CASR: variants seen among roughly 807,000 people sequenced by gnomAD.
CASR encodes the protein calcium sensing receptor.
CASR carries 23 observed loss-of-function variants against 69.1 expected under a neutral mutation model. The ratio of observed to expected loss-of-function variants is 0.33; its 90% CI spans 0.24 to 0.47. The LOEUF is 0.47. CASR is among the 20% of genes least tolerant of loss of function. The pLI is 1.00. For synonymous variants in CASR, 541 were observed against 544.7 expected, an observed-to-expected ratio of 0.99 and a Z score of 0.10; for missense variants, 924 against 1,356.1, an observed-to-expected ratio of 0.68 and a Z score of 5.00.
intron 1 of CASR, among the ~76,000 whole-genome samples, chr3:122,252,918 T>C (rs756591813): frequency 6.6e-6 from 1 of 152,166 alleles, no homozygotes. Flanking sequence ...CAACCTGTAA[T>C]TGGTAATTGA....
chr3:122,259,183 C>T (rs915881858), intron 3 of CASR, among the ~76,000 whole-genome samples: 13 of 152,026 alleles, frequency 8.6e-5, no homozygotes, highest in African/African-American at 2.9e-4. Flanking sequence ...ATTATAAATA[C>T]GTTCCTTAAG....
intron 1 of CASR, among the ~76,000 whole-genome samples, chr3:122,189,297 C>T (rs79785140): frequency 0.031 from 4,757 of 152,206 alleles, 108 homozygotes; most frequent in South Asian, 0.068. Context: ...CTTCACAGGG[C>T]GGTTGTGAAG....
At chr3:122,201,416 A>C (rs1415580279) in intron 1 of CASR, among the ~76,000 whole-genome samples, 4 of 152,222 alleles carry the variant, frequency 2.6e-5, no homozygotes. Context: ...ACACAGACAC[A>C]GCAACCATCC....
At chr3:122,185,364 G>T (rs7628990) in intron 1 of CASR, among the ~76,000 whole-genome samples, 23,086 of 152,074 alleles carry the variant, frequency 0.15, 1,826 homozygotes, top group African/African-American at 0.18. Context: ...GTTCCTCCTT[G>T]CAACGCCTCT....
At chr3:122,269,319 A>G (rs1471829489) in intron 4 of CASR, among the ~76,000 whole-genome samples, 1 of 152,236 alleles carries the variant, frequency 6.6e-6, no homozygotes, top group Non-Finnish European at 1.5e-5. Context: ...GGGGGAAAGC[A>G]TTCAGTCTTT....
At chr3:122,235,972 A>G (rs1299703595) in intron 1 of CASR, among the ~76,000 whole-genome samples, 1 of 152,196 alleles carries the variant, frequency 6.6e-6, no homozygotes, top group Non-Finnish European at 1.5e-5. Context: ...TTTCTGATTC[A>G]GTAGGTTGGG....
At chr3:122,224,202 C>T (rs1446436836) in intron 1 of CASR, among the ~76,000 whole-genome samples, 1 of 152,084 alleles carries the variant, frequency 6.6e-6, no homozygotes, top group Admixed American at 6.6e-5. Context: ...TGCAATCAGG[C>T]AAGAGAAAGA....
chr3:122,247,791 C>A (rs7635354), intron 1 of CASR: 102,134 of 152,174 alleles, frequency 0.67, 34,535 homozygotes, highest in Admixed American at 0.78. Context: ...TATTTACAGC[C>A]TTTCTTTGCT....
chr3:122,289,138 C>T lies in CASR; in HGVS notation c.*3947C>T, dbSNP rs2107654477. On this transcript the variant is annotated 3_prime_UTR_variant, in exon 7 of 7. Transcript: ENST00000639785. ...GGCTGGTTCTGCCCAGCCAGAGCTT[C>T]CCTTTGCTCATCTGCTGCATTTGAA... is the stretch of plus-strand genomic sequence containing the variant. 6.6e-6 allele frequency: 1 copy of T among 152,326 alleles called. No homozygotes were observed. The highest frequency in any genetic ancestry group is 3.4e-3 in the Middle Eastern group (1 of 294). The allele number at this position is 152,326 out of a possible 1,614,324, so 9.4% of individuals were successfully genotyped here. A position where few individuals can be genotyped will look rare whatever the true frequency, so the allele number is the denominator to read the frequency against.
Position 122,276,059 on chromosome 3 carries a change from A to G in CASR, c.1608+17A>G, listed in dbSNP as rs2074816575. The G allele has an allele frequency of 6.6e-7, 1 of 1,515,378 alleles. No homozygotes were observed. The highest frequency in any genetic ancestry group is 9.2e-7 in the Non-Finnish European group (1 of 1,089,932). 93.9% of individuals were successfully genotyped at this position (1,515,378 alleles called of 1,614,324 possible). ...TCCAGGGAGGTAGGTGCTGTCCATC[A>G]GAAAACCAGATGTCTCCACCAGGGG... On this transcript the variant is annotated intron_variant, in intron 5 of 6. Coordinates refer to ENST00000639785, the MANE Select transcript of CASR (RefSeq NM_000388.4).
chr3:122,223,310 T>C (rs920057519), intron 1 of CASR, among the ~76,000 whole-genome samples: 8 of 151,846 alleles, frequency 5.3e-5, no homozygotes, highest in Non-Finnish European at 1.0e-4. Context: ...ACTAGCTAGA[T>C]TAATAAAGAA....
At chr3:122,280,109 C>G (rs2074869746) in intron 5 of CASR, among the ~76,000 whole-genome samples, 1 of 152,088 alleles carries the variant, frequency 6.6e-6, no homozygotes, top group Non-Finnish European at 1.5e-5. Flanking sequence ...AAAACAAAAA[C>G]CACATGACTA....
Position 122,289,566 on chromosome 3 carries a change from G to T in CASR, c.*4375G>T, listed in dbSNP as rs1038702483. 1 of 152,540 alleles carries T rather than the reference G, an allele frequency of 6.6e-6. No individual in the cohort carries two copies. Among genetic ancestry groups the T allele is most frequent in the African/African-American group, 2.4e-5 (1 of 41,464 alleles). 9.4% of individuals were successfully genotyped at this position (152,540 alleles called of 1,614,324 possible). ...CTCAGCAAGTGGTATGAGAAATGGA[G>T]AACTGCTAGGTGAAGGCCAACAGGG... On this transcript the variant is annotated 3_prime_UTR_variant, in exon 7 of 7. Coordinates refer to ENST00000639785, the MANE Select transcript of CASR (RefSeq NM_000388.4).
chr3:122,282,014 T>C, intron 5 of CASR, 99 bp from the exon 6 acceptor site: 1 of 1,559,750 alleles, frequency 6.4e-7, no homozygotes, highest in Admixed American at 1.7e-5. Context: ...CTGATTCTTG[T>C]GCCCAAACTC....
At chr3:122,206,285 A>G (rs1402604515) in intron 1 of CASR, among the ~76,000 whole-genome samples, 2 of 151,650 alleles carry the variant, frequency 1.3e-5, no homozygotes, top group South Asian at 2.1e-4. Context: ...TTTTTATCAT[A>G]AAGATACGTT....
chr3:122,209,312 G>C (rs554380684), intron 1 of CASR, among the ~76,000 whole-genome samples: 1 of 152,254 alleles, frequency 6.6e-6, no homozygotes, highest in South Asian at 2.1e-4. Context: ...AAGAGGAGCT[G>C]GTACCATTTC....
At chr3:122,213,118 C>T (rs2074084749) in intron 1 of CASR, among the ~76,000 whole-genome samples, 2 of 152,194 alleles carry the variant, frequency 1.3e-5, no homozygotes, top group African/African-American at 4.8e-5. Flanking sequence ...CACACATACC[C>T]AGGGCCAGAT....
rs185377250 is a variant in CASR, at chr3:122,221,519, T to C, written c.-242-32429T>C. Among the ~76,000 whole-genome samples the C allele has an allele frequency of 2.6e-5, 4 of 152,304 alleles. No individual in the cohort carries two copies. The East Asian group carries it at 5.8e-4, about 22-fold the overall frequency. ...AACAAATATGAAAAAATGAAACTGA[T>C]GGAATGGAAGAGGCTCTACTTCTGC... On this transcript the variant is annotated intron_variant, in intron 1 of 6. Transcript: ENST00000639785.
In CASR at chr3:122,284,522, G is replaced by A. The variant is rs200036671; in HGVS notation, c.2568G>A (p.Lys856=). The change falls in exon 7 of 7, where the codon AAG becomes AAA. Residue 856 remains lysine (K), a synonymous_variant. Transcript: ENST00000639785. ...TGCTGGCGTGCATCTTCTTCAACAAGATCTACATCATTCTCTTCAAGCCAT... is the reference window on the plus strand; with the variant it reads ...TGCTGGCGTGCATCTTCTTCAACAAAATCTACATCATTCTCTTCAAGCCAT... The part of the protein sequence containing the change: ...FGLLACIFFN[K]IYIILFKPSR... 3 of 1,613,554 alleles carry A rather than the reference G, an allele frequency of 1.9e-6. No individual in the cohort carries two copies. Among genetic ancestry groups the A allele is most frequent in the Non-Finnish European group, 2.5e-6 (3 of 1,180,048 alleles).
Sources: gnomAD v4.1 joint callset for allele counts (sites outside exome capture counted in the v4.1 genomes callset) on GRCh38, gnomAD v4.1.1 for gene constraint, MANE v1.5 for transcripts, NCBI Gene and HGNC (gene_info 2026-07-23, HGNC 2026-07-21) for gene names.